GPR137C: variants seen among roughly 807,000 people sequenced by gnomAD.
GPR137C encodes the protein G protein-coupled receptor 137C.
Under a neutral mutation model 43.4 loss-of-function variants are expected in GPR137C, and 27 were observed. The observed-to-expected ratio is 0.62, with a 90% CI of 0.46 to 0.86. The LOEUF (loss-of-function observed/expected upper bound fraction) is 0.86, where lower values mean the gene tolerates loss of function less well. Among genes scored for constraint, GPR137C ranks in the 40% least tolerant of loss-of-function variants. GPR137C has a pLI of 0.00. For missense variants in GPR137C, 522 were observed against 534.6 expected (o/e 0.98, Z 0.23); for synonymous variants, 285 against 226.9 (o/e 1.26, Z -2.30).
In GPR137C at chr14:52,625,659, A is replaced by G. The variant is rs1431652329; in HGVS notation, c.718-6501A>G. Among the ~76,000 whole-genome samples, 4 of 138,316 alleles carry G rather than the reference A, an allele frequency of 2.9e-5. No individual in the cohort carries two copies. In the East Asian group the frequency reaches 6.8e-4, roughly 23 times the overall value. The allele number at this position is 138,316 out of a possible 152,430, so 90.7% of individuals were successfully genotyped here. Reference sequence around the variant, plus strand: ...AATCTCCGCCTCCCAGGTTCACATCATTCTCCTGCCTCAGCCTCCCGAGCA... The same window carrying G: ...AATCTCCGCCTCCCAGGTTCACATCGTTCTCCTGCCTCAGCCTCCCGAGCA... On this transcript the variant is annotated intron_variant, in intron 3 of 6. Coordinates refer to ENST00000321662, the MANE Select transcript of GPR137C (RefSeq NM_001099652.2).
At chr14:52,624,470 C>A (rs188795588) in intron 3 of GPR137C, among the ~76,000 whole-genome samples, 95 of 151,966 alleles carry the variant, frequency 6.3e-4, no homozygotes, top group Admixed American at 1.1e-3. Flanking sequence ...ATAGTCCAGG[C>A]ATGGTGGCTT....
chr14:52,563,219 A>G (rs1044325709), intron 1 of GPR137C, among the ~76,000 whole-genome samples: 1 of 152,158 alleles, frequency 6.6e-6, no homozygotes, highest in African/African-American at 2.4e-5. Context: ...TTGTAAGCTC[A>G]TGTGCCTGTC....
chr14:52,636,676 T>C lies in GPR137C; in HGVS notation c.*1561T>C, dbSNP rs2039356533. On this transcript the variant is annotated 3_prime_UTR_variant, in exon 7 of 7. Coordinates refer to ENST00000321662, the MANE Select transcript of GPR137C (RefSeq NM_001099652.2). ...AAATTGAAATTGTTAATGCTTTCGA[T>C]CTTTTGGGAGGCCAGTACACAGACA... 6.6e-6 allele frequency: 1 copy of C among 152,166 alleles called. No homozygotes were observed. Among genetic ancestry groups the C allele is most frequent in the Admixed American group, 6.6e-5 (1 of 15,266 alleles). 9.4% of individuals were successfully genotyped at this position (152,166 alleles called of 1,614,324 possible).
At chr14:52,634,272 C>T (rs904939742) in intron 6 of GPR137C, among the ~76,000 whole-genome samples, 10 of 151,990 alleles carry the variant, frequency 6.6e-5, no homozygotes, top group African/African-American at 2.4e-4. Context: ...TGTCTGTTTC[C>T]ATATCTTTAG....
intron 3 of GPR137C, among the ~76,000 whole-genome samples, chr14:52,605,247 G>T (rs1951453): frequency 0.1 from 15,816 of 151,910 alleles, 916 homozygotes; most frequent in South Asian, 0.18. Context: ...CTATTTCATG[G>T]TTTTCATTAT....
At chr14:52,567,894 G>A (rs745613264) in intron 1 of GPR137C, among the ~76,000 whole-genome samples, 5 of 152,004 alleles carry the variant, frequency 3.3e-5, no homozygotes, top group Admixed American at 1.3e-4. Flanking sequence ...TTCTGACCTC[G>A]TGATCTGCCC....
intron 1 of GPR137C, among the ~76,000 whole-genome samples, chr14:52,584,127 A>G (rs1434160731): frequency 6.6e-6 from 1 of 152,158 alleles, no homozygotes; most frequent in East Asian, 1.9e-4. Context: ...CTTCCTCTAC[A>G]ATAGTGCCCA....
Position 52,635,150 on chromosome 14 carries a change from T to C in GPR137C, c.*35T>C. On this transcript the variant is annotated 3_prime_UTR_variant, in exon 7 of 7. Transcript: ENST00000321662. ...CAAGTCATGATTCTTGAGTTGTTTTTCATAAATGTGTATATTCAATGTGTT... is the reference window on the plus strand; with the variant it reads ...CAAGTCATGATTCTTGAGTTGTTTTCCATAAATGTGTATATTCAATGTGTT... The C allele has an allele frequency of 6.7e-7, 1 of 1,488,640 alleles. No homozygotes were observed. Among genetic ancestry groups the C allele is most frequent in the Non-Finnish European group, 9.0e-7 (1 of 1,109,394 alleles). The allele number at this position is 1,488,640 out of a possible 1,614,324, so 92.2% of individuals were successfully genotyped here. A position where few individuals can be genotyped will look rare whatever the true frequency, so the allele number is the denominator to read the frequency against.
chr14:52,622,391 C>G (rs2039170996), intron 3 of GPR137C, among the ~76,000 whole-genome samples: 1 of 151,964 alleles, frequency 6.6e-6, no homozygotes, highest in African/African-American at 2.4e-5. Context: ...TTTCATTAGA[C>G]AATATTCAAA....
chr14:52,613,455 T>A (rs2039062033), intron 3 of GPR137C: 1 of 152,972 alleles, frequency 6.5e-6, no homozygotes, highest in South Asian at 2.0e-4. Flanking sequence ...TAATTCTTTC[T>A]AACTACTTTT....
intron 1 of GPR137C, among the ~76,000 whole-genome samples, chr14:52,570,224 GA>G (rs2038444280): frequency 6.6e-6 from 1 of 152,148 alleles, no homozygotes; most frequent in African/African-American, 2.4e-5. Context: ...TTTCAACCCA[GA>G]ATTTCATATC....
In GPR137C at chr14:52,635,140, G is replaced by C. The variant is rs1304386475; in HGVS notation, c.*25G>C. On this transcript the variant is annotated 3_prime_UTR_variant, in exon 7 of 7. Coordinates refer to ENST00000321662, the MANE Select transcript of GPR137C (RefSeq NM_001099652.2). ...ACAGCATCACCAAGTCATGATTCTT[G>C]AGTTGTTTTTCATAAATGTGTATAT... 6.6e-7 allele frequency: 1 copy of C among 1,520,930 alleles called. No homozygotes were observed. Among genetic ancestry groups the C allele is most frequent in the East Asian group, 2.4e-5 (1 of 42,080 alleles). The allele number at this position is 1,520,930 out of a possible 1,614,324, so 94.2% of individuals were successfully genotyped here.
At chr14:52,612,193 T>C in intron 3 of GPR137C, 1 of 984,360 alleles carries the variant, frequency 1.0e-6, no homozygotes, top group Non-Finnish European at 1.2e-6. Flanking sequence ...TTCTTTAATG[T>C]TCTAAACAGC....
At chr14:52,558,848 A>G (rs540855413) in intron 1 of GPR137C, among the ~76,000 whole-genome samples, 69 of 151,916 alleles carry the variant, frequency 4.5e-4, no homozygotes, top group East Asian at 2.9e-3. Flanking sequence ...AGATCTTAGG[A>G]AAAAAAATCA....
At chr14:52,582,683 A>G (rs1323174672) in intron 1 of GPR137C, among the ~76,000 whole-genome samples, 3 of 152,174 alleles carry the variant, frequency 2.0e-5, no homozygotes, top group Admixed American at 6.5e-5. Context: ...CATCCCAGCT[A>G]CTTGGGAGGC....
At chr14:52,612,214 C>T (rs2139551590) in intron 3 of GPR137C, 2 of 981,034 alleles carry the variant, frequency 2.0e-6, no homozygotes, top group Non-Finnish European at 2.4e-6. Context: ...CGTAGTGTCA[C>T]CACTGACACT....
At chr14:52,559,417 T>G (rs1389961025) in intron 1 of GPR137C, among the ~76,000 whole-genome samples, 1 of 152,074 alleles carries the variant, frequency 6.6e-6, no homozygotes, top group African/African-American at 2.4e-5. Context: ...ATCAATGTGA[T>G]AAAAGCCATA....
chr14:52,560,791 TAGAAGAC>T (rs1347320057), intron 1 of GPR137C, among the ~76,000 whole-genome samples: 1 of 152,190 alleles, frequency 6.6e-6, no homozygotes, highest in Non-Finnish European at 1.5e-5. Context: ...CTAAAATTTG[TAGAAGAC>T]AGAAGATGTT....
At chr14:52,569,962 A>G (rs2038439209) in intron 1 of GPR137C, among the ~76,000 whole-genome samples, 1 of 152,306 alleles carries the variant, frequency 6.6e-6, no homozygotes, top group South Asian at 2.1e-4. Flanking sequence ...ACCTAGCAAG[A>G]CAGCCAACAT....
Sources: gnomAD v4.1 joint callset for allele counts (sites outside exome capture counted in the v4.1 genomes callset) on GRCh38, gnomAD v4.1.1 for gene constraint, MANE v1.5 for transcripts, NCBI Gene and HGNC (gene_info 2026-07-23, HGNC 2026-07-21) for gene names.